The following PIEZO2 variants were observed in gnomAD, a reference collection of about 807,000 sequenced individuals.
PIEZO2 encodes the protein piezo type mechanosensitive ion channel component 2.
Under a neutral mutation model 337.3 loss-of-function variants are expected in PIEZO2, and 172 were observed. The ratio of observed to expected loss-of-function variants is 0.51; its 90% confidence interval spans 0.45 to 0.58. The LOEUF (loss-of-function observed/expected upper bound fraction) is 0.58, where lower values mean the gene tolerates loss of function less well. PIEZO2 is among the 20% of genes least tolerant of loss of function. The pLI is 0.00. For synonymous variants in PIEZO2, 1,251 were observed against 1,228.5 expected (o/e 1.02, Z -0.38); for missense variants, 3,028 against 3,391.3 (o/e 0.89, Z 2.66).
At chr18:10,793,865 A>G (rs2039492144) in intron 13 of PIEZO2, among the ~76,000 whole-genome samples, 1 of 152,064 alleles carries the variant, frequency 6.6e-6, no homozygotes, top group Admixed American at 6.6e-5. Flanking sequence ...ATTGTGTTTC[A>G]TTTACCCCAG....
chr18:10,702,713 T>C (rs565315903), intron 42 of PIEZO2, among the ~76,000 whole-genome samples: 1 of 152,384 alleles, frequency 6.6e-6, no homozygotes, highest in East Asian at 1.9e-4. Context: ...CATCTTTGTA[T>C]TCTGGTGCGT....
chr18:10,762,508 A>C lies in PIEZO2; in HGVS notation c.3241T>G (p.Tyr1081Asp). 1 of 1,537,258 alleles carries C rather than the reference A, an allele frequency of 6.5e-7. No homozygotes were observed. Among genetic ancestry groups the C allele is most frequent in the Non-Finnish European group, 8.7e-7 (1 of 1,146,900 alleles). Residue 1081 changes from tyrosine to aspartate, a missense_variant, in exon 23 of 56, where the codon TAC becomes GAC. Tyr to Asp is a radical substitution (Grantham distance 160). Around this residue, in one of 5 missense-constraint regions of PIEZO2, gnomAD observed 1,925 missense variants for 2,051.9 expected, o/e 0.94. Transcript: ENST00000674853. ...CACGACAAAGCCATTACCCTCAGGTAGACTAGCAGAGGCGAAGACTTCCGC... is the reference window on the plus strand; with the variant it reads ...CACGACAAAGCCATTACCCTCAGGTCGACTAGCAGAGGCGAAGACTTCCGC... ...GLRKSSPLLV[Y>D]LRNNLLMLAI...
intron 2 of PIEZO2, among the ~76,000 whole-genome samples, chr18:11,051,619 G>T (rs904947301): frequency 1.3e-5 from 2 of 152,118 alleles, no homozygotes; most frequent in Non-Finnish European, 2.9e-5. Context: ...TAGCTTGTTG[G>T]CAGGACTAAA....
intron 44 of PIEZO2, among the ~76,000 whole-genome samples, chr18:10,698,157 G>A (rs1462830482): frequency 6.6e-6 from 1 of 152,236 alleles, no homozygotes; most frequent in African/African-American, 2.4e-5. Flanking sequence ...GCTAACTAGG[G>A]TACTAGGATG....
Position 10,726,521 on chromosome 18 carries a change from G to C in PIEZO2, c.5029+4886C>G, listed in dbSNP as rs1040444068. 7.5e-6 allele frequency: 11 copies of C among 1,475,968 alleles called. No homozygotes were observed. In the African/African-American group the frequency reaches 1.3e-4, roughly 17 times the overall value. 91.4% of individuals were successfully genotyped at this position (1,475,968 alleles called of 1,614,324 possible). A position where few individuals can be genotyped will look rare whatever the true frequency, so the allele number is the denominator to read the frequency against. ...CCGCAAGCAGCCGTTCCTGTGGCGCGCTGCGCTGCTCTGCTCTGCTACACC... is the reference window on the plus strand; with the variant it reads ...CCGCAAGCAGCCGTTCCTGTGGCGCCCTGCGCTGCTCTGCTCTGCTACACC... On this transcript the variant is annotated intron_variant, in intron 36 of 55. Transcript: ENST00000674853. This position sits in a 1 kb window ranked among gnomAD's most constrained non-coding sequence, Gnocchi z 5.9.
intron 2 of PIEZO2, among the ~76,000 whole-genome samples, chr18:11,023,937 C>A (rs1036939841): frequency 6.6e-6 from 1 of 152,192 alleles, no homozygotes; most frequent in African/African-American, 2.4e-5. Flanking sequence ...GCCGGCCGTT[C>A]TGAGTGCGGG....
chr18:10,924,890 C>T (rs1484116261), intron 3 of PIEZO2, among the ~76,000 whole-genome samples: 2 of 151,988 alleles, frequency 1.3e-5, no homozygotes, highest in South Asian at 2.1e-4. Flanking sequence ...TAGTAATGTT[C>T]GCTTGTTAAA....
chr18:11,051,972 G>A (rs1469816719), intron 2 of PIEZO2, among the ~76,000 whole-genome samples: 3 of 152,234 alleles, frequency 2.0e-5, no homozygotes, highest in Admixed American at 6.5e-5. Flanking sequence ...AATGTACCAG[G>A]TCTCACTGAG....
chr18:10,678,145 T>C (rs1206912002), intron 52 of PIEZO2, among the ~76,000 whole-genome samples: 1 of 152,214 alleles, frequency 6.6e-6, no homozygotes, highest in African/African-American at 2.4e-5. Context: ...AGAACCCATC[T>C]TGATGTTTTA....
Position 10,671,774 on chromosome 18 carries a change from A to G in PIEZO2, c.8351T>C (p.Met2784Thr), listed in dbSNP as rs944580245. Residue 2784 changes from methionine to threonine, a missense_variant, in exon 56 of 56, where the codon ATG becomes ACG. Transcript: ENST00000674853. The stretch of plus-strand genomic sequence containing the variant: ...AAGGACAACTGAAGCATATAATCCC[A>G]TAATACTGAAAAAAACAGTAAGTAG... ...SLGFLAGYGI[M>T]GLYASVVLVI... 6.2e-7 allele frequency: 1 copy of G among 1,604,356 alleles called. No individual in the cohort carries two copies. Among genetic ancestry groups the G allele is most frequent in the Non-Finnish European group, 8.5e-7 (1 of 1,174,714 alleles).
At chr18:10,972,133 A>G (rs988913483) in intron 3 of PIEZO2, among the ~76,000 whole-genome samples, 7 of 151,166 alleles carry the variant, frequency 4.6e-5, no homozygotes, top group Non-Finnish European at 1.0e-4. Flanking sequence ...TCTCTACTAA[A>G]AATACACCCA....
At chr18:10,698,012 C>CGGATGCATTTGCGAACAATTACTGA (rs6146217) in intron 44 of PIEZO2, 132 bp from the exon 45 acceptor site, 2 of 1,062,312 alleles carry the variant, frequency 1.9e-6, no homozygotes, top group Admixed American at 2.8e-5. Context: ...TGAGTATGCA[C>CGGATGCATTTGCGAACAATTACTGA]GGCCTTGGGA....
chr18:10,823,574 C>G (rs183078839), intron 7 of PIEZO2, among the ~76,000 whole-genome samples: 1 of 152,302 alleles, frequency 6.6e-6, no homozygotes, highest in African/African-American at 2.4e-5. Flanking sequence ...CACGCATCCT[C>G]AAATATGCTT....
chr18:10,872,439 A>C lies in PIEZO2; in HGVS notation c.330-1024T>G, dbSNP rs751920484. ...TCCAGTGGTAATGAATATGGGAATG[A>C]GAGGCAGTATACTGAGTTGCCAGCA... On this transcript the variant is annotated intron_variant, in intron 4 of 55. Transcript: ENST00000674853. This position sits in a 1 kb window ranked among gnomAD's most constrained non-coding sequence, Gnocchi z 4.3. Among the ~76,000 whole-genome samples the C allele has an allele frequency of 1.3e-5, 2 of 152,322 alleles. No homozygotes were observed. Among genetic ancestry groups the C allele is most frequent in the Middle Eastern group, 3.4e-3 (1 of 294 alleles).
chr18:10,713,706 T>G lies in PIEZO2; in HGVS notation c.5423+1058A>C, dbSNP rs1433592445. Among the ~76,000 whole-genome samples the G allele has an allele frequency of 1.3e-5, 2 of 152,210 alleles. No homozygotes were observed. The highest frequency in any genetic ancestry group is 4.8e-5 in the African/African-American group (2 of 41,458). On this transcript the variant is annotated intron_variant, in intron 39 of 55. Coordinates refer to ENST00000674853, the MANE Select transcript of PIEZO2 (RefSeq NM_001378183.1). The surrounding 1 kb of genome is among the most constrained non-coding windows in gnomAD (Gnocchi z 4.5). ...CCTCTCCCAGAATAGAGCCCAGGGC[T>G]TGGCACAGAATAGCTGATACTCAAC...
In PIEZO2 at chr18:10,894,017, T is replaced by C. The variant is rs571346761; in HGVS notation, c.329+17169A>G. On this transcript the variant is annotated intron_variant, in intron 4 of 55. Coordinates refer to ENST00000674853, the MANE Select transcript of PIEZO2 (RefSeq NM_001378183.1). This position sits in a 1 kb window ranked among gnomAD's most constrained non-coding sequence, Gnocchi z 4.1. ...ATGATGGTCAGGTGGTTGTTAACTG[T>C]CTCTTTAAAATAGTAATTGGTCGCA... Among the ~76,000 whole-genome samples, 55 of 152,156 alleles carry C rather than the reference T, an allele frequency of 3.6e-4. No individual in the cohort carries two copies. The highest frequency in any genetic ancestry group is 1.0e-3 in the African/African-American group (43 of 41,508).
intron 47 of PIEZO2, among the ~76,000 whole-genome samples, chr18:10,695,747 T>C (rs996729572): frequency 1.3e-5 from 2 of 152,186 alleles, no homozygotes; most frequent in Admixed American, 6.5e-5. Flanking sequence ...CCACTTTACC[T>C]CCACCTCTGC....
intron 1 of PIEZO2, among the ~76,000 whole-genome samples, chr18:11,108,847 C>T (rs931343021): frequency 1.4e-4 from 22 of 152,144 alleles, no homozygotes; most frequent in African/African-American, 3.4e-4. Flanking sequence ...ACTCTTCACA[C>T]GGTCCCTCCA....
Position 10,705,889 on chromosome 18 carries a change from AG to A in PIEZO2, c.5589-144del, listed in dbSNP as rs2035566541. On this transcript the variant is annotated intron_variant, in intron 40 of 55. Coordinates refer to ENST00000674853, the MANE Select transcript of PIEZO2 (RefSeq NM_001378183.1). ...TGCATTCCATCTGCTTTGTTCTTTT[AG>A]GATAATCACTCCTGTTCTGCAGCCA... is the stretch of plus-strand genomic sequence containing the variant. 1.3e-5 allele frequency: 14 copies of A among 1,096,058 alleles called. No individual in the cohort carries two copies. In the East Asian group the frequency reaches 3.7e-4, roughly 29 times the overall value. The allele number at this position is 1,096,058 out of a possible 1,614,324, so 67.9% of individuals were successfully genotyped here. A position where few individuals can be genotyped will look rare whatever the true frequency, so the allele number is the denominator to read the frequency against.
Sources: gnomAD v4.1 joint callset for allele counts (sites outside exome capture counted in the v4.1 genomes callset) on GRCh38, gnomAD v4.1.1 for gene constraint, gnomAD v4.1.1 regional missense constraint, Gnocchi (gnomAD v3.1) non-coding constraint, MANE v1.5 for transcripts, NCBI Gene and HGNC (gene_info 2026-07-23, HGNC 2026-07-21) for gene names.